ZFP64: variants seen among roughly 807,000 people sequenced by gnomAD.
The protein encoded by ZFP64 is zinc finger protein 64.
A neutral mutation model predicts 51.6 loss-of-function variants in ZFP64; 14 were observed. The observed-to-expected ratio is 0.27, with a 90% CI of 0.18 to 0.42. ZFP64 has a LOEUF of 0.42. Among genes scored for constraint, ZFP64 ranks in the 10% least tolerant of loss-of-function variants. The pLI, the probability that ZFP64 is intolerant of heterozygous loss-of-function variation, is 1.00. For synonymous variants in ZFP64, 375 were observed against 361.4 expected (o/e 1.04, Z -0.43); for missense variants, 754 against 906.8 (o/e 0.83, Z 2.16).
intron 5 of ZFP64, among the ~76,000 whole-genome samples, chr20:52,135,818 G>T (rs1040170228): frequency 3.3e-5 from 5 of 151,948 alleles, no homozygotes; most frequent in Non-Finnish European, 7.4e-5. Context: ...GGCATGATTG[G>T]CTGGGTTCGG....
At chr20:52,086,531 G>A (rs2078866618) in intron 8 of ZFP64, among the ~76,000 whole-genome samples, 1 of 149,296 alleles carries the variant, frequency 6.7e-6, no homozygotes, top group African/African-American at 2.5e-5. Context: ...AGGCTGGAGT[G>A]CAGTGACGCA....
At chr20:52,105,427 C>A (rs111405867) in intron 5 of ZFP64, 8 of 1,198,720 alleles carry the variant, frequency 6.7e-6, no homozygotes, top group Non-Finnish European at 8.3e-6. Context: ...CCCAGGAGTC[C>A]CGCGGACTTG....
chr20:52,173,999 A>T (rs1166446514), intron 2 of ZFP64, among the ~76,000 whole-genome samples: 1 of 152,098 alleles, frequency 6.6e-6, no homozygotes, highest in Non-Finnish European at 1.5e-5. Context: ...GTGATTAAAT[A>T]CTTATTTGAG....
At chr20:52,108,496 A>G (rs1978373842) in intron 5 of ZFP64, among the ~76,000 whole-genome samples, 2 of 151,874 alleles carry the variant, frequency 1.3e-5, no homozygotes, top group Admixed American at 1.3e-4. Flanking sequence ...GTCCTAAATT[A>G]AGTTTATTAC....
rs1359362490 is a variant in ZFP64, at chr20:52,085,657, AAAC to A, written c.1229-394_1229-392del. On this transcript the variant is annotated intron_variant, in intron 8 of 8. Transcript: ENST00000361387. The surrounding 1 kb of genome is among the most constrained non-coding windows in gnomAD (Gnocchi z 4.3). ...GAAGAAGAGGTGAGATTTAAATTAC[AAAC>A]AACTGCTTCAAATCAAGCTAAGACC... is the stretch of plus-strand genomic sequence containing the variant. Among the ~76,000 whole-genome samples, 1 of 152,198 alleles carries A rather than the reference AAAC, an allele frequency of 6.6e-6. No homozygotes were observed. The highest frequency in any genetic ancestry group is 6.5e-5 in the Admixed American group (1 of 15,286).
intron 5 of ZFP64, among the ~76,000 whole-genome samples, chr20:52,125,006 T>C (rs1011765673): frequency 3.3e-5 from 5 of 152,210 alleles, no homozygotes; most frequent in Non-Finnish European, 4.4e-5. Context: ...TGTGGTGTGC[T>C]GGGGCATCTT....
At chr20:52,089,752 A>G (rs1287992442) in intron 7 of ZFP64, among the ~76,000 whole-genome samples, 1 of 151,980 alleles carries the variant, frequency 6.6e-6, no homozygotes, top group African/African-American at 2.4e-5. Flanking sequence ...AAAAAAAAAA[A>G]AAAAAAATGA....
At chr20:52,136,921 C>T (rs1451972582) in intron 5 of ZFP64, among the ~76,000 whole-genome samples, 1 of 152,112 alleles carries the variant, frequency 6.6e-6, no homozygotes, top group South Asian at 2.1e-4. Context: ...TCCACCACCA[C>T]ACCCAGCTAA....
intron 2 of ZFP64, among the ~76,000 whole-genome samples, chr20:52,174,460 G>A (rs1246306507): frequency 7.5e-6 from 1 of 132,570 alleles, no homozygotes; most frequent in African/African-American, 2.8e-5. Flanking sequence ...TCCAGCCTGG[G>A]CAACAGAGTG....
At chr20:52,128,909 T>G (rs778801921) in intron 5 of ZFP64, among the ~76,000 whole-genome samples, 46 of 141,272 alleles carry the variant, frequency 3.3e-4, no homozygotes, top group Non-Finnish European at 5.8e-4. Context: ...TCCGACCTTT[T>G]TTTAAATTTT....
At chr20:52,088,280 TCTTGTA>T in intron 8 of ZFP64, 2 of 1,490,872 alleles carry the variant, frequency 1.3e-6, no homozygotes, top group Non-Finnish European at 1.8e-6. Context: ...AGTTCCAAAT[TCTTGTA>T]CTTCTACCAC....
chr20:52,103,693 C>A (rs2079078038), intron 5 of ZFP64, among the ~76,000 whole-genome samples: 1 of 152,218 alleles, frequency 6.6e-6, no homozygotes, highest in African/African-American at 2.4e-5. Flanking sequence ...CCAGTACCTC[C>A]CCAACTTCCC....
intron 4 of ZFP64, among the ~76,000 whole-genome samples, chr20:52,161,506 T>C (rs1204232822): frequency 6.6e-6 from 1 of 150,904 alleles, no homozygotes; most frequent in East Asian, 1.9e-4. Context: ...TTGACTACTT[T>C]CTTGCATGTA....
chr20:52,119,431 G>A (rs1325246301), intron 5 of ZFP64, among the ~76,000 whole-genome samples: 1 of 151,138 alleles, frequency 6.6e-6, no homozygotes, highest in Non-Finnish European at 1.5e-5. Context: ...GGCTGAGGCA[G>A]GAGAATCGCT....
intron 2 of ZFP64, among the ~76,000 whole-genome samples, chr20:52,175,176 G>A (rs1444808839): frequency 6.6e-6 from 1 of 152,176 alleles, no homozygotes; most frequent in African/African-American, 2.4e-5. Flanking sequence ...AGGCTGGAGG[G>A]CAGTGGCACC....
chr20:52,159,431 A>G (rs543394011), intron 5 of ZFP64, among the ~76,000 whole-genome samples: 103 of 152,350 alleles, frequency 6.8e-4, no homozygotes, highest in African/African-American at 2.3e-3. Context: ...CATCTCCTCA[A>G]TTACACACTT....
intron 5 of ZFP64, among the ~76,000 whole-genome samples, chr20:52,138,333 T>C (rs538707891): frequency 6.6e-6 from 1 of 151,814 alleles, no homozygotes; most frequent in African/African-American, 2.4e-5. Context: ...AAATAGCAAA[T>C]ATTAAATAAG....
intron 7 of ZFP64, among the ~76,000 whole-genome samples, chr20:52,090,958 T>G (rs1404002448): frequency 6.9e-6 from 1 of 144,020 alleles, no homozygotes; most frequent in Non-Finnish European, 1.5e-5. Context: ...AAAAAGGATT[T>G]GCTACGTGTG....
At chr20:52,134,618 G>A (rs563486611) in intron 5 of ZFP64, among the ~76,000 whole-genome samples, 3 of 152,132 alleles carry the variant, frequency 2.0e-5, no homozygotes, top group East Asian at 3.9e-4. Context: ...CCATTCCCAC[G>A]ATAGGAAACA....
Sources: gnomAD v4.1 joint callset for allele counts (sites outside exome capture counted in the v4.1 genomes callset) on GRCh38, gnomAD v4.1.1 for gene constraint, Gnocchi (gnomAD v3.1) non-coding constraint, MANE v1.5 for transcripts, NCBI Gene and HGNC (gene_info 2026-07-23, HGNC 2026-07-21) for gene names.